The following PRRX1 variants were observed in gnomAD, a reference collection of about 807,000 sequenced individuals.
PRRX1 encodes the protein paired mesoderm homeobox protein 1.
Under a neutral mutation model 24.0 loss-of-function variants are expected in PRRX1, and 8 were observed. That is an observed-to-expected ratio of 0.33 (90% CI 0.20 to 0.60). The LOEUF is 0.60. Among genes scored for constraint, PRRX1 ranks in the 20% least tolerant of loss-of-function variants. PRRX1 has a pLI of 0.82. For missense variants in PRRX1, 281 were observed against 322.4 expected (o/e 0.87, Z 0.98); for synonymous variants, 160 against 131.7 (o/e 1.22, Z -1.47).
intron 1 of PRRX1, among the ~76,000 whole-genome samples, chr1:170,692,793 C>T (rs1654039454): frequency 6.6e-6 from 1 of 151,740 alleles, no homozygotes; most frequent in Admixed American, 6.6e-5. Flanking sequence ...ATGCATCTCT[C>T]ACATTTTTCT....
chr1:170,713,782 C>CTGA (rs1654820760), intron 1 of PRRX1, among the ~76,000 whole-genome samples: 1 of 152,146 alleles, frequency 6.6e-6, no homozygotes, highest in African/African-American at 2.4e-5. Flanking sequence ...AAGGCTTAGT[C>CTGA]TGATACTTGA....
At chr1:170,665,442 A>C (rs1171496548) in intron 1 of PRRX1, among the ~76,000 whole-genome samples, 1 of 152,214 alleles carries the variant, frequency 6.6e-6, no homozygotes, top group Non-Finnish European at 1.5e-5. Flanking sequence ...ATGTGGCCAG[A>C]TATGTACAGA....
intron 1 of PRRX1, among the ~76,000 whole-genome samples, chr1:170,667,025 C>G (rs2101881393): frequency 6.6e-6 from 1 of 152,164 alleles, no homozygotes; most frequent in Non-Finnish European, 1.5e-5. Context: ...AGCTCAGCAT[C>G]CCGGGCGGAA....
chr1:170,730,182 C>T, intron 3 of PRRX1: 3 of 1,051,544 alleles, frequency 2.9e-6, no homozygotes, highest in Non-Finnish European at 4.5e-6. Flanking sequence ...CCCTCCCCAT[C>T]CTTCTCCTCC....
chr1:170,694,770 A>G (rs543768640), intron 1 of PRRX1, among the ~76,000 whole-genome samples: 2 of 152,304 alleles, frequency 1.3e-5, no homozygotes, highest in South Asian at 4.1e-4. Context: ...TGTAGTAATC[A>G]AATGCTCTCA....
intron 1 of PRRX1, among the ~76,000 whole-genome samples, chr1:170,698,894 C>T (rs1654262216): frequency 6.6e-6 from 1 of 152,048 alleles, no homozygotes; most frequent in African/African-American, 2.4e-5. Context: ...GAGAAGGGGC[C>T]CCGGGCTATT....
chr1:170,705,944 A>ACACACACACC (rs1654549339), intron 1 of PRRX1, among the ~76,000 whole-genome samples: 1 of 141,480 alleles, frequency 7.1e-6, no homozygotes, highest in African/African-American at 3.1e-5. Context: ...ATACACACAC[A>ACACACACACC]CACACACACA....
At chr1:170,728,370 G>A (rs888284796) in intron 3 of PRRX1, 2 of 152,174 alleles carry the variant, frequency 1.3e-5, no homozygotes, top group African/African-American at 4.8e-5. Context: ...AAAGAATTAT[G>A]TAGAAATACT....
At chr1:170,681,205 AC>A (rs1205210157) in intron 1 of PRRX1, among the ~76,000 whole-genome samples, 1 of 152,132 alleles carries the variant, frequency 6.6e-6, no homozygotes, top group Non-Finnish European at 1.5e-5. Flanking sequence ...AGATATTGCC[AC>A]CCCCACCTTA....
In PRRX1 at chr1:170,737,664, AGGGCTG is replaced by A. The variant is rs1290345563; in HGVS notation, c.*1481_*1486del. On this transcript the variant is annotated 3_prime_UTR_variant, in exon 4 of 4. Coordinates refer to ENST00000239461, the MANE Select transcript of PRRX1 (RefSeq NM_022716.4). ...TATTTTGAAATAAAGTTTAGTGTCT[AGGGCTG>A]GGAGCCAGGACTGATCTTCCATTTC... 1 of 221,004 alleles carries A rather than the reference AGGGCTG, an allele frequency of 4.5e-6. No individual in the cohort carries two copies. The highest frequency in any genetic ancestry group is 9.1e-6 in the Non-Finnish European group (1 of 110,200). The allele number at this position is 221,004 out of a possible 1,614,324, so 13.7% of individuals were successfully genotyped here.
chr1:170,692,663 A>C (rs924695017), intron 1 of PRRX1, among the ~76,000 whole-genome samples: 2 of 150,786 alleles, frequency 1.3e-5, no homozygotes, highest in Admixed American at 1.3e-4. Flanking sequence ...GGTCAAATAG[A>C]GAATCTTCAT....
chr1:170,677,993 G>A (rs988550425), intron 1 of PRRX1, among the ~76,000 whole-genome samples: 1 of 152,096 alleles, frequency 6.6e-6, no homozygotes, highest in African/African-American at 2.4e-5. Flanking sequence ...GGCCAACCAC[G>A]TTAATTTCTC....
intron 1 of PRRX1, among the ~76,000 whole-genome samples, chr1:170,690,764 C>G (rs564001674): frequency 8.6e-5 from 13 of 151,996 alleles, no homozygotes; most frequent in Middle Eastern, 3.4e-3. Flanking sequence ...CCAGAGAGGC[C>G]CTGGAACTGT....
chr1:170,702,652 T>A (rs998189450), intron 1 of PRRX1, among the ~76,000 whole-genome samples: 2 of 152,188 alleles, frequency 1.3e-5, no homozygotes, highest in African/African-American at 2.4e-5. Flanking sequence ...ACGTATCACA[T>A]GTTTTCCATT....
rs1022418220 is a variant in PRRX1, at chr1:170,709,924, C to T, written c.242-9802C>T. ...CAGAGAAATGAAGTATGTAGCTATT[C>T]TTATTTCCTTTTAGTAAATTTAGAA... On this transcript the variant is annotated intron_variant, in intron 1 of 3. Transcript: ENST00000239461. Among the ~76,000 whole-genome samples the T allele has an allele frequency of 2.6e-5, 4 of 152,200 alleles. No individual in the cohort carries two copies. In the South Asian group the frequency reaches 8.3e-4, roughly 32 times the overall value.
At chr1:170,711,768 T>C (rs1558057270) in intron 1 of PRRX1, among the ~76,000 whole-genome samples, 1 of 152,316 alleles carries the variant, frequency 6.6e-6, no homozygotes, top group East Asian at 1.9e-4. Context: ...TCCTCAGCTC[T>C]GTTTGTAATC....
intron 1 of PRRX1, among the ~76,000 whole-genome samples, chr1:170,691,497 T>C (rs1487254327): frequency 7.0e-6 from 1 of 143,312 alleles, no homozygotes; most frequent in African/African-American, 2.6e-5. Flanking sequence ...TTTCCTTTCC[T>C]TTCCTTTCCT....
intron 2 of PRRX1, among the ~76,000 whole-genome samples, chr1:170,723,226 C>T (rs1310873714): frequency 6.6e-6 from 1 of 152,182 alleles, no homozygotes; most frequent in African/African-American, 2.4e-5. Context: ...TGGCCAATTT[C>T]CACCCAGGCC....
chr1:170,706,210 T>C (rs1017497989), intron 1 of PRRX1, among the ~76,000 whole-genome samples: 9 of 152,338 alleles, frequency 5.9e-5, no homozygotes, highest in Middle Eastern at 3.4e-3. Flanking sequence ...GTCAAAGACA[T>C]TGCAGATTTG....
Sources: gnomAD v4.1 joint callset for allele counts (sites outside exome capture counted in the v4.1 genomes callset) on GRCh38, gnomAD v4.1.1 for gene constraint, MANE v1.5 for transcripts, NCBI Gene and HGNC (gene_info 2026-07-23, HGNC 2026-07-21) for gene names.